Variants in SP140 observed in about 807,000 individuals in gnomAD.
SP140 encodes the protein nuclear body protein SP140.
In SP140, 81 loss-of-function variants were observed where a neutral mutation model predicts 125.0. The ratio of observed to expected loss-of-function variants is 0.65; its 90% CI spans 0.54 to 0.78. The LOEUF is 0.78. Ranked by LOEUF, SP140 falls within the 30% of genes least tolerant of loss-of-function variation. The pLI, the probability that SP140 is intolerant of heterozygous loss-of-function variation, is 0.00. For synonymous variants in SP140, 312 were observed against 354.0 expected (o/e 0.88, Z 1.33); for missense variants, 858 against 1,037.0 (o/e 0.83, Z 2.37).
At chr2:230,204,499 C>T (rs922858273) in intron 1 of SP140, among the ~76,000 whole-genome samples, 7 of 152,032 alleles carry the variant, frequency 4.6e-5, no homozygotes, top group African/African-American at 1.4e-4. Context: ...CCACGTGGTG[C>T]CCATAATGTC....
At chr2:230,199,277 T>C (rs1293162053), upstream of SP140, among the ~76,000 whole-genome samples, 1 of 147,946 alleles carries the variant, frequency 6.8e-6, no homozygotes, top group Non-Finnish European at 1.5e-5. Flanking sequence ...GGTGTGATCT[T>C]GGCTCGCTGC....
At chr2:230,250,863 C>G in intron 9 of SP140, 118 bp from the exon 10 acceptor site, 1 of 1,090,832 alleles carries the variant, frequency 9.2e-7, no homozygotes, top group Non-Finnish European at 1.3e-6. Context: ...CAGAACCCAC[C>G]TACAGGCCAG....
chr2:230,225,482 C>T (rs2046208748), upstream of SP140: 2 of 346,492 alleles, frequency 5.8e-6, no homozygotes, highest in Non-Finnish European at 5.6e-6. Context: ...GCCACCTCAG[C>T]AAGGGGTGGG....
chr2:230,254,127 G>A (rs1176818376), intron 11 of SP140, among the ~76,000 whole-genome samples: 1 of 152,080 alleles, frequency 6.6e-6, no homozygotes, highest in Non-Finnish European at 1.5e-5. Flanking sequence ...ACAAATGGAG[G>A]CAAATACAAA....
chr2:230,269,930 G>T lies in SP140; in HGVS notation c.1421G>T (p.Ser474Ile). The change falls in exon 14 of 27, where the codon AGT becomes ATT. Residue 474 changes from serine to isoleucine, a missense_variant. This residue lies in a region of SP140 where 791 missense variants were observed against 869.5 expected (regional missense o/e 0.91). Coordinates refer to ENST00000392045, the MANE Select transcript of SP140 (RefSeq NM_007237.5). The part of the protein sequence containing the change: ...VPGSPEARTE[S>I]DQACGTMDTV... ...GGAAGCCCAGAAGCAAGGACGGAAA[G>T]TGATCAAGCGTGTGGCACAATGGGT... The T allele has an allele frequency of 6.2e-7, 1 of 1,613,862 alleles. No individual in the cohort carries two copies. The highest frequency in any genetic ancestry group is 8.5e-7 in the Non-Finnish European group (1 of 1,179,742).
chr2:230,280,035 A>G (rs1206030269), intron 15 of SP140, among the ~76,000 whole-genome samples: 3 of 152,032 alleles, frequency 2.0e-5, no homozygotes, highest in Non-Finnish European at 1.5e-5. Flanking sequence ...GCTTCACTCC[A>G]TATATATCTT....
At chr2:230,308,963 A>G (rs2059075070) in intron 22 of SP140, among the ~76,000 whole-genome samples, 1 of 152,216 alleles carries the variant, frequency 6.6e-6, no homozygotes, top group Non-Finnish European at 1.5e-5. Flanking sequence ...TTTGTCTACA[A>G]TACAGCATGT....
intron 10 of SP140, among the ~76,000 whole-genome samples, chr2:230,251,796 C>A (rs2050404442): frequency 6.6e-6 from 1 of 152,116 alleles, no homozygotes; most frequent in Non-Finnish European, 1.5e-5. Flanking sequence ...ATAAGTGTTA[C>A]ATTTTTACCC....
chr2:230,253,407 T>G lies in SP140; in HGVS notation c.1149T>G (p.Gly383=). The G allele has an allele frequency of 6.3e-7, 1 of 1,598,810 alleles. No homozygotes were observed. The highest frequency in any genetic ancestry group is 8.6e-7 in the Non-Finnish European group (1 of 1,166,114). Residue 383 remains glycine (G), a synonymous_variant, in exon 11 of 27, where the codon GGT becomes GGG. Coordinates refer to ENST00000392045, the MANE Select transcript of SP140 (RefSeq NM_007237.5). ...AGAAGGAGCTCAGTCTACTACCAGGTGAAGGAGAAGGTAATTATGATGTAC... is the reference window on the plus strand; with the variant it reads ...AGAAGGAGCTCAGTCTACTACCAGGGGAAGGAGAAGGTAATTATGATGTAC... ...EPEKELSLLP[G]EGEEGSDDCS...
Position 230,237,122 on chromosome 2 carries a change from G to T in SP140, c.99G>T (p.Leu33=). 6.2e-7 allele frequency: 1 copy of T among 1,610,070 alleles called. No homozygotes were observed. The change falls in exon 2 of 27, where the codon CTG becomes CTT. Residue 33 remains leucine (L), a synonymous_variant. Transcript: ENST00000392045. This position sits in a 1 kb window ranked among gnomAD's most constrained non-coding sequence, Gnocchi z 5.4. ...AEIQNVEGQN[L]QEQVCPEPIF... ...TCCAGAACGTAGAGGGTCAGAACCTGCAGGAGCAGGTTTGCCCTGAGCCCA... is the reference window on the plus strand; with the variant it reads ...TCCAGAACGTAGAGGGTCAGAACCTTCAGGAGCAGGTTTGCCCTGAGCCCA...
intron 16 of SP140, 115 bp from the exon 17 acceptor site, chr2:230,285,637 C>T (rs1175386113): frequency 1.2e-6 from 1 of 825,904 alleles, no homozygotes; most frequent in African/African-American, 1.7e-5. Flanking sequence ...GCTCTGGACA[C>T]CTGCTCGAGG....
intron 22 of SP140, among the ~76,000 whole-genome samples, chr2:230,302,632 T>C (rs1437761337): frequency 6.6e-6 from 1 of 152,168 alleles, no homozygotes; most frequent in Non-Finnish European, 1.5e-5. Flanking sequence ...ACCTGGAACA[T>C]TCTCCAAGAT....
At chr2:230,282,910 G>T (rs1285895196) in intron 15 of SP140, among the ~76,000 whole-genome samples, 2 of 152,184 alleles carry the variant, frequency 1.3e-5, no homozygotes, top group Non-Finnish European at 2.9e-5. Context: ...TCCCAGTTCT[G>T]TTTATCCTTG....
downstream of SP140, among the ~76,000 whole-genome samples, chr2:230,314,352 G>A (rs2059467135): frequency 6.6e-6 from 1 of 152,228 alleles, no homozygotes; most frequent in African/African-American, 2.4e-5. Context: ...AGTGAAGAGA[G>A]CGTTTATCCT....
intron 4 of SP140, 117 bp from the exon 5 acceptor site, chr2:230,243,614 G>T: frequency 1.3e-6 from 1 of 754,536 alleles, no homozygotes; most frequent in Admixed American, 2.0e-5. Flanking sequence ...GTTGTTTGGG[G>T]AGAGGGGACC....
Position 230,271,242 on chromosome 2 carries a change from G to A in SP140, c.1498+603G>A, listed in dbSNP as rs1159732842. Among the ~76,000 whole-genome samples the A allele has an allele frequency of 2.0e-5, 3 of 152,196 alleles. No individual in the cohort carries two copies. The South Asian group carries it at 6.2e-4, about 32-fold the overall frequency. On this transcript the variant is annotated intron_variant, in intron 15 of 26. Transcript: ENST00000392045. ...ACAGATTTTGGTACTTAGAAGTAGG[G>A]TGTGGCTATTAACATATTCCTGAAA...
chr2:230,269,801 A>C (rs780569122), intron 13 of SP140, 36 bp from the exon 14 acceptor site: 1 of 1,530,238 alleles, frequency 6.5e-7, no homozygotes, highest in African/African-American at 1.4e-5. Flanking sequence ...CACTGGGTCA[A>C]ACTGAAAGTC....
In SP140 at chr2:230,248,980, T is replaced by G. The variant is rs1443562839; in HGVS notation, c.976+12T>G. 6.3e-7 allele frequency: 1 copy of G among 1,594,444 alleles called. No homozygotes were observed. The highest frequency in any genetic ancestry group is 1.7e-5 in the Admixed American group (1 of 58,880). On this transcript the variant is annotated intron_variant, in intron 9 of 26. Transcript: ENST00000392045. ...AGGTGAAGGAGAAGGTAATTATGAT[T>G]TAAGTTTTTAAATATTTGAGTACAT...
chr2:230,186,208 T>C, the SP140 span: 1 of 1,504,426 alleles, frequency 6.6e-7, no homozygotes, highest in Non-Finnish European at 9.2e-7. Context: ...CCCCTACCCT[T>C]TCAGGAGTTA....
Sources: gnomAD v4.1 joint callset for allele counts (sites outside exome capture counted in the v4.1 genomes callset) on GRCh38, gnomAD v4.1.1 for gene constraint, gnomAD v4.1.1 regional missense constraint, Gnocchi (gnomAD v3.1) non-coding constraint, MANE v1.5 for transcripts, NCBI Gene and HGNC (gene_info 2026-07-23, HGNC 2026-07-21) for gene names.